Variants in ANKS1B observed in about 807,000 individuals in gnomAD.
The protein encoded by ANKS1B is ankyrin repeat and sterile alpha motif domain containing 1B.
In ANKS1B, 36 loss-of-function variants were observed where a neutral mutation model predicts 148.3. The observed-to-expected ratio is 0.24, with a 90% CI of 0.19 to 0.32. The LOEUF is 0.32. ANKS1B is among the 10% of genes least tolerant of loss of function. The pLI is 1.00. For synonymous variants in ANKS1B, 542 were observed against 560.8 expected, an observed-to-expected ratio of 0.97 and a Z score of 0.47; for missense variants, 1,157 against 1,542.6, an observed-to-expected ratio of 0.75 and a Z score of 4.19.
intron 15 of ANKS1B, among the ~76,000 whole-genome samples, chr12:99,147,368 C>T (rs919447785): frequency 6.6e-6 from 1 of 152,078 alleles, no homozygotes; most frequent in Non-Finnish European, 1.5e-5. Context: ...ATGCAGTTCT[C>T]TATTGCAAAA....
At chr12:98,766,602 A>C (rs1000315815) in intron 25 of ANKS1B, among the ~76,000 whole-genome samples, 1 of 152,248 alleles carries the variant, frequency 6.6e-6, no homozygotes, top group Non-Finnish European at 1.5e-5. Flanking sequence ...AAAATGAGAA[A>C]CAGAATGAGA....
chr12:99,280,840 A>ATC (rs142595888), intron 12 of ANKS1B, among the ~76,000 whole-genome samples: 3,058 of 144,492 alleles, frequency 0.021, 36 homozygotes, highest in South Asian at 0.043. Flanking sequence ...CTTATAATAA[A>ATC]TCTCTCTCTC....
intron 15 of ANKS1B, among the ~76,000 whole-genome samples, chr12:99,130,439 C>T (rs984011306): frequency 7.2e-5 from 11 of 152,114 alleles, no homozygotes; most frequent in Admixed American, 1.3e-4. Context: ...ATAAGCCTCC[C>T]TCAGCCATCC....
intron 21 of ANKS1B, among the ~76,000 whole-genome samples, chr12:98,800,383 C>T (rs2153587757): frequency 6.6e-6 from 1 of 152,112 alleles, no homozygotes; most frequent in East Asian, 1.9e-4. Flanking sequence ...AGTTTCAATG[C>T]ACTGCTGAAG....
intron 17 of ANKS1B, among the ~76,000 whole-genome samples, chr12:98,931,142 T>C (rs751629748): frequency 8.5e-5 from 13 of 152,148 alleles, no homozygotes; most frequent in Non-Finnish European, 1.8e-4. Flanking sequence ...CCTGATTCTG[T>C]CCATCATGGA....
intron 9 of ANKS1B, among the ~76,000 whole-genome samples, chr12:99,538,032 G>A (rs2097090337): frequency 6.6e-6 from 1 of 152,002 alleles, no homozygotes; most frequent in South Asian, 2.1e-4. Context: ...CCCAGTGTAT[G>A]TTCTTGGCAC....
chr12:99,448,790 C>T (rs978330972), intron 10 of ANKS1B, among the ~76,000 whole-genome samples: 1 of 151,832 alleles, frequency 6.6e-6, no homozygotes, highest in Non-Finnish European at 1.5e-5. Context: ...GGCTTTTGGC[C>T]TGAGGAACTA....
At chr12:99,700,235 G>C (rs1049230175) in intron 8 of ANKS1B, among the ~76,000 whole-genome samples, 1 of 152,118 alleles carries the variant, frequency 6.6e-6, no homozygotes, top group Non-Finnish European at 1.5e-5. Flanking sequence ...ACTCAGCCAA[G>C]TGCTTGGAAT....
intron 12 of ANKS1B, among the ~76,000 whole-genome samples, chr12:99,315,377 C>T (rs1316348520): frequency 6.6e-6 from 1 of 151,218 alleles, no homozygotes; most frequent in Non-Finnish European, 1.5e-5. Flanking sequence ...AAGAAAAAAA[C>T]AACCCCATCA....
chr12:99,229,181 A>G (rs933011651), intron 14 of ANKS1B, among the ~76,000 whole-genome samples: 3 of 151,914 alleles, frequency 2.0e-5, no homozygotes, highest in Admixed American at 6.6e-5. Flanking sequence ...AAAATGGGCT[A>G]ATATCTTACT....
At chr12:99,160,449 C>T (rs1412036942) in intron 14 of ANKS1B, among the ~76,000 whole-genome samples, 1 of 151,564 alleles carries the variant, frequency 6.6e-6, no homozygotes, top group African/African-American at 2.4e-5. Flanking sequence ...TGCCATTCTC[C>T]TACCTCAGCC....
chr12:99,174,928 G>C (rs2078207877), intron 14 of ANKS1B, among the ~76,000 whole-genome samples: 1 of 152,088 alleles, frequency 6.6e-6, no homozygotes, highest in African/African-American at 2.4e-5. Context: ...CTATAAAACA[G>C]TGATTAATTG....
intron 8 of ANKS1B, among the ~76,000 whole-genome samples, chr12:99,680,050 C>T (rs1567628695): frequency 6.6e-6 from 1 of 152,228 alleles, no homozygotes; most frequent in African/African-American, 2.4e-5. Flanking sequence ...TCCAAACACA[C>T]ATCCTCCTTG....
rs143370228 is a variant in ANKS1B, at chr12:99,488,712, C to T, written c.1438+15764G>A. Among the ~76,000 whole-genome samples, 817 of 152,256 alleles carry T rather than the reference C, an allele frequency of 5.4e-3. 5 individuals are homozygous for T. The highest frequency in any genetic ancestry group is 8.6e-3 in the Non-Finnish European group (587 of 68,014). ...CTCTGCCCACTGCTGGACCAAGTCA[C>T]GAGCTGGGCTGCTATTCAAGTCCCA... On this transcript the variant is annotated intron_variant, in intron 10 of 26. Transcript: ENST00000683438.
chr12:99,041,654 A>G (rs1271856153), intron 17 of ANKS1B, among the ~76,000 whole-genome samples: 1 of 152,090 alleles, frequency 6.6e-6, no homozygotes, highest in Admixed American at 6.5e-5. Context: ...GGGGGCTTAC[A>G]AACAATAATA....
At chr12:99,802,868 C>A (rs1361901611) in intron 4 of ANKS1B, among the ~76,000 whole-genome samples, 1 of 150,862 alleles carries the variant, frequency 6.6e-6, no homozygotes, top group Non-Finnish European at 1.5e-5. Flanking sequence ...AGCATGATTG[C>A]ACCACTGCCC....
At chr12:99,738,689 G>C (rs2059827255) in intron 8 of ANKS1B, among the ~76,000 whole-genome samples, 1 of 152,102 alleles carries the variant, frequency 6.6e-6, no homozygotes, top group Admixed American at 6.6e-5. Context: ...TCACATCACA[G>C]AATTGAAGAA....
At chr12:99,585,028 A>G (rs1330758688) in intron 9 of ANKS1B, among the ~76,000 whole-genome samples, 1 of 152,168 alleles carries the variant, frequency 6.6e-6, no homozygotes, top group Non-Finnish European at 1.5e-5. Context: ...AAACACAGTC[A>G]TGCCTTTCCA....
intron 1 of ANKS1B, among the ~76,000 whole-genome samples, chr12:99,866,008 G>C (rs1194565742): frequency 1.3e-5 from 2 of 152,056 alleles, no homozygotes; most frequent in Non-Finnish European, 2.9e-5. Flanking sequence ...TAAATCTAAA[G>C]TGGAGTAGCT....
Sources: allele counts gnomAD v4.1 joint callset (sites outside exome capture counted in the v4.1 genomes callset), GRCh38; gene constraint gnomAD v4.1.1; transcripts MANE v1.5; gene names NCBI Gene and HGNC (gene_info 2026-07-23, HGNC 2026-07-21).